EYS: variants seen among roughly 807,000 people sequenced by gnomAD.
EYS encodes EGF-like photoreceptor maintenance factor.
EYS carries 250 observed loss-of-function variants against 282.1 expected under a neutral mutation model. The ratio of observed to expected loss-of-function variants is 0.89; its 90% confidence interval spans 0.80 to 0.98. The LOEUF (loss-of-function observed/expected upper bound fraction) is 0.98. Among genes scored for constraint, EYS ranks in the 50% least tolerant of loss-of-function variants. The pLI is 0.00. For missense variants in EYS, 4,016 were observed against 3,709.0 expected (o/e 1.08, Z -2.15); for synonymous variants, 1,355 against 1,282.9 (o/e 1.06, Z -1.20).
At chr6:65,597,388 A>T (rs549398572) in intron 2 of EYS, among the ~76,000 whole-genome samples, 15 of 152,220 alleles carry the variant, frequency 9.9e-5, no homozygotes, top group African/African-American at 3.6e-4. Context: ...AAGAGTTCAC[A>T]GTAAGCTACA....
At chr6:65,367,884 G>A (rs1764974235) in intron 8 of EYS, among the ~76,000 whole-genome samples, 1 of 151,518 alleles carries the variant, frequency 6.6e-6, no homozygotes, top group South Asian at 2.1e-4. Context: ...AGGTAACATT[G>A]GCATAGCAGT....
At chr6:64,209,463 CTG>C (rs1384706451) in intron 31 of EYS, among the ~76,000 whole-genome samples, 2 of 152,162 alleles carry the variant, frequency 1.3e-5, no homozygotes, top group Non-Finnish European at 2.9e-5. Context: ...CATATCATAA[CTG>C]AATATACAAT....
chr6:64,876,482 T>A (rs1045022619), intron 19 of EYS, among the ~76,000 whole-genome samples: 6 of 152,140 alleles, frequency 3.9e-5, no homozygotes, highest in Admixed American at 6.6e-5. Flanking sequence ...ATTTTAAAAA[T>A]TTTTGTGTGC....
chr6:64,644,159 T>C (rs1389068829), intron 22 of EYS, among the ~76,000 whole-genome samples: 1 of 152,140 alleles, frequency 6.6e-6, no homozygotes, highest in African/African-American at 2.4e-5. Flanking sequence ...CAGTCTACCT[T>C]TCAGTAAAGT....
chr6:65,527,273 A>C (rs1424426958), intron 2 of EYS, among the ~76,000 whole-genome samples: 3 of 152,144 alleles, frequency 2.0e-5, no homozygotes, highest in African/African-American at 7.2e-5. Context: ...AACTCACACT[A>C]TATTCACAAA....
intron 40 of EYS, among the ~76,000 whole-genome samples, chr6:63,768,399 T>TA (rs1031095047): frequency 4.6e-5 from 7 of 151,238 alleles, no homozygotes; most frequent in Non-Finnish European, 7.4e-5. Context: ...ACAACCCCAT[T>TA]AAAAAAATGG....
chr6:64,798,266 C>T (rs114148215), intron 22 of EYS, among the ~76,000 whole-genome samples: 3,177 of 151,856 alleles, frequency 0.021, 111 homozygotes, highest in African/African-American at 0.072. Flanking sequence ...TTCAAGGTTC[C>T]TTATCTTCTT....
chr6:64,615,296 T>C (rs896309650), intron 24 of EYS, among the ~76,000 whole-genome samples: 1 of 152,152 alleles, frequency 6.6e-6, no homozygotes, highest in African/African-American at 2.4e-5. Context: ...TTGTGATTTT[T>C]ATTCTTTTAA....
At chr6:64,937,850 A>G (rs1458746019) in intron 15 of EYS, among the ~76,000 whole-genome samples, 2 of 151,702 alleles carry the variant, frequency 1.3e-5, no homozygotes, top group Non-Finnish European at 1.5e-5. Flanking sequence ...AGCGTTATTC[A>G]TAATAGTCAA....
chr6:64,723,436 C>T (rs1016021821), intron 22 of EYS, among the ~76,000 whole-genome samples: 1 of 152,182 alleles, frequency 6.6e-6, no homozygotes, highest in Non-Finnish European at 1.5e-5. Context: ...CTTTAATAAT[C>T]TTTATTGCAT....
In EYS at chr6:64,591,329, A is replaced by G; in HGVS notation, c.4538T>C (p.Leu1513Pro). The part of the protein sequence containing the change: ...KQVTILNSSA[L>P]HRFSTKAFNP... The stretch of plus-strand genomic sequence containing the variant: ...GAAGGCTTTTGTACTGAACCGGTGC[A>G]GAGCTGATGAGTTTAAGATGGTTAC... The change falls in exon 26 of 43, where the codon CTG becomes CCG. Residue 1513 changes from leucine (L) to proline (P), a missense_variant. Coordinates refer to ENST00000503581, the MANE Select transcript of EYS (RefSeq NM_001142800.2). 1 of 1,551,406 alleles carries G rather than the reference A, an allele frequency of 6.4e-7. No individual in the cohort carries two copies. The highest frequency in any genetic ancestry group is 8.7e-7 in the Non-Finnish European group (1 of 1,146,798).
intron 31 of EYS, among the ~76,000 whole-genome samples, chr6:64,113,144 T>C (rs1170866951): frequency 6.6e-6 from 1 of 152,158 alleles, no homozygotes; most frequent in Non-Finnish European, 1.5e-5. Flanking sequence ...CATTTGAAAC[T>C]ATTTTTCAAC....
chr6:64,258,560 A>G (rs1208102197), intron 30 of EYS, among the ~76,000 whole-genome samples: 1 of 152,104 alleles, frequency 6.6e-6, no homozygotes, highest in Non-Finnish European at 1.5e-5. Flanking sequence ...AGATTCTAAC[A>G]GCAACAGTAT....
At chr6:65,059,064 C>T (rs1178157772) in intron 12 of EYS, among the ~76,000 whole-genome samples, 2 of 151,570 alleles carry the variant, frequency 1.3e-5, no homozygotes, top group Non-Finnish European at 2.9e-5. Context: ...TAGTGAATAC[C>T]TGACACTAGA....
intron 33 of EYS, among the ~76,000 whole-genome samples, chr6:64,036,219 C>T (rs1172800771): frequency 2.0e-5 from 3 of 151,820 alleles, no homozygotes; most frequent in Non-Finnish European, 4.4e-5. Context: ...GATGATAGAA[C>T]TTAAAGTATA....
chr6:64,896,852 A>AG lies in EYS; in HGVS notation c.2846+5260dup, dbSNP rs532996326. Among the ~76,000 whole-genome samples the AG allele has an allele frequency of 2.0e-3, 306 of 151,174 alleles. 1 individual carries two copies. The highest frequency in any genetic ancestry group is 6.8e-3 in the Middle Eastern group (2 of 294). ...GCCGCCAGGAAGTTCAGACTGGTGG[A>AG]GGGGGGGGCCACCACAGTGCCTCAA... On this transcript the variant is annotated intron_variant, in intron 18 of 42. Coordinates refer to ENST00000503581, the MANE Select transcript of EYS (RefSeq NM_001142800.2).
intron 14 of EYS, among the ~76,000 whole-genome samples, chr6:64,953,473 T>C: frequency 6.6e-6 from 1 of 151,842 alleles, no homozygotes; most frequent in East Asian, 1.9e-4. Flanking sequence ...TTATTTTAAG[T>C]TTTCACTTTA....
At chr6:65,328,195 A>G (rs986009717) in intron 11 of EYS, among the ~76,000 whole-genome samples, 15 of 151,354 alleles carry the variant, frequency 9.9e-5, no homozygotes, top group Admixed American at 3.3e-4. Context: ...CCTAAAATTA[A>G]ACTGTTCCAG....
At chr6:65,105,648 CTG>C (rs1252778891) in intron 12 of EYS, among the ~76,000 whole-genome samples, 1 of 151,878 alleles carries the variant, frequency 6.6e-6, no homozygotes, top group African/African-American at 2.4e-5. Context: ...TGTGAAACCA[CTG>C]CGGTGCACTA....
Sources: gnomAD v4.1 joint callset for allele counts (sites outside exome capture counted in the v4.1 genomes callset) on GRCh38, gnomAD v4.1.1 for gene constraint, MANE v1.5 for transcripts, NCBI Gene and HGNC (gene_info 2026-07-23, HGNC 2026-07-21) for gene names.